The following STAMBP variants were observed in gnomAD, a reference collection of about 807,000 sequenced individuals.
STAMBP encodes the protein STAM-binding protein.
A neutral mutation model predicts 50.7 loss-of-function variants in STAMBP; 31 were observed. The observed-to-expected ratio is 0.61, with a 90% confidence interval of 0.46 to 0.83. The LOEUF is 0.83. Among genes scored for constraint, STAMBP ranks in the 40% least tolerant of loss-of-function variants. The pLI is 0.00. For missense variants in STAMBP, 472 were observed against 518.9 expected (o/e 0.91, Z 0.88); for synonymous variants, 211 against 192.4 (o/e 1.10, Z -0.80).
chr2:73,852,287 G>A (rs1357927350), intron 7 of STAMBP, among the ~76,000 whole-genome samples: 1 of 152,146 alleles, frequency 6.6e-6, no homozygotes, highest in Non-Finnish European at 1.5e-5. Context: ...CAGAGATTTG[G>A]GGCCTTGCAG....
rs115212112 is a variant in STAMBP, at chr2:73,860,247, G to A, written c.1218+96G>A. On this transcript the variant is annotated intron_variant, in intron 9 of 9. Transcript: ENST00000394070. ...ATCATCCTTTCTGATCCACACAGAAGACCAGCTTTGTCACTTACCTTGCCA... is the reference window on the plus strand; with the variant it reads ...ATCATCCTTTCTGATCCACACAGAAAACCAGCTTTGTCACTTACCTTGCCA... 5,569 of 1,020,392 alleles carry A rather than the reference G, an allele frequency of 5.5e-3. 148 individuals carry two copies. In the African/African-American group the frequency reaches 0.064, roughly 12 times the overall value. 63.2% of individuals were successfully genotyped at this position (1,020,392 alleles called of 1,614,324 possible).
intron 9 of STAMBP, 87 bp downstream of exon 9, chr2:73,860,238 C>G (rs573367015): frequency 8.9e-7 from 1 of 1,129,644 alleles, no homozygotes; most frequent in East Asian, 2.5e-5. Context: ...CTTTCTGATC[C>G]ACACAGAAGA....
At chr2:73,868,135 A>AC (rs1383857820), downstream of STAMBP, among the ~76,000 whole-genome samples, 2 of 151,948 alleles carry the variant, frequency 1.3e-5, no homozygotes, top group African/African-American at 4.8e-5. Flanking sequence ...AAAAAAAAAA[A>AC]AAAAACCCAG....
At chr2:73,833,959 C>T (rs1170339877) in intron 2 of STAMBP, among the ~76,000 whole-genome samples, 1 of 151,618 alleles carries the variant, frequency 6.6e-6, no homozygotes, top group Non-Finnish European at 1.5e-5. Context: ...ACCTGTAATC[C>T]CAGCACTTTG....
At chr2:73,853,818 G>A (rs1268009682) in intron 7 of STAMBP, among the ~76,000 whole-genome samples, 1 of 152,196 alleles carries the variant, frequency 6.6e-6, no homozygotes. Flanking sequence ...ACTGTCAGGA[G>A]CATGCATGCC....
intron 2 of STAMBP, among the ~76,000 whole-genome samples, chr2:73,837,128 G>C (rs1006701375): frequency 6.6e-6 from 1 of 152,178 alleles, no homozygotes; most frequent in Non-Finnish European, 1.5e-5. Context: ...AAGTACAGTA[G>C]TAGTAATATT....
chr2:73,844,907 T>A lies in STAMBP; in HGVS notation c.279+19T>A. On this transcript the variant is annotated intron_variant, in intron 3 of 9. Coordinates refer to ENST00000394070, the MANE Select transcript of STAMBP (RefSeq NM_213622.4). ...AGTAAAGGTGGGTCTTCACTTTCATTGTTGCCCATCTAAAAGCTTCAGAGC... is the reference window on the plus strand; with the variant it reads ...AGTAAAGGTGGGTCTTCACTTTCATAGTTGCCCATCTAAAAGCTTCAGAGC... 1 of 1,612,400 alleles carries A rather than the reference T, an allele frequency of 6.2e-7. No homozygotes were observed. Among genetic ancestry groups the A allele is most frequent in the Non-Finnish European group, 8.5e-7 (1 of 1,179,518 alleles).
intron 7 of STAMBP, among the ~76,000 whole-genome samples, chr2:73,858,502 A>G (rs756100884): frequency 6.6e-6 from 1 of 152,040 alleles, no homozygotes; most frequent in Non-Finnish European, 1.5e-5. Flanking sequence ...TGAAATATGT[A>G]TGCATATATT....
At chr2:73,848,372 TAAGTTCAG>T (rs1199950971) in intron 5 of STAMBP, among the ~76,000 whole-genome samples, 1 of 152,180 alleles carries the variant, frequency 6.6e-6, no homozygotes, top group Non-Finnish European at 1.5e-5. Context: ...TCCAGAAGAG[TAAGTTCAG>T]AAGTAAATAA....
At chr2:73,860,561 CAAAGGA>C in intron 9 of STAMBP, 1 of 986,378 alleles carries the variant, frequency 1.0e-6, no homozygotes, top group African/African-American at 1.7e-5. Context: ...GATTTGAAGG[CAAAGGA>C]AAAGAGAAGC....
chr2:73,844,787 A>C, intron 2 of STAMBP, 26 bp from the exon 3 acceptor site: 2 of 1,596,244 alleles, frequency 1.3e-6, no homozygotes, highest in South Asian at 2.2e-5. Flanking sequence ...CATTTGCTTC[A>C]TAATCATTTT....
chr2:73,839,646 C>T (rs1296294436), intron 2 of STAMBP, among the ~76,000 whole-genome samples: 1 of 152,160 alleles, frequency 6.6e-6, no homozygotes, highest in Non-Finnish European at 1.5e-5. Context: ...AAAATTAACA[C>T]TTATTCACGA....
intron 2 of STAMBP, among the ~76,000 whole-genome samples, chr2:73,833,390 G>A (rs1376857285): frequency 1.3e-5 from 2 of 152,028 alleles, no homozygotes; most frequent in South Asian, 2.1e-4. Context: ...CCTCAATGTT[G>A]TTAAGGTTTC....
In STAMBP at chr2:73,859,348, G is replaced by A; in HGVS notation, c.1100G>A (p.Cys367Tyr). Residue 367 changes from cysteine (C) to tyrosine (Y), a missense_variant, in exon 8 of 10, where the codon TGC (cysteine) becomes TAC (tyrosine). Coordinates refer to ENST00000394070, the MANE Select transcript of STAMBP (RefSeq NM_213622.4). Reference protein sequence around the residue: ...MMLPESVAIVCSPKFQETGFF... With the variant: ...MMLPESVAIVYSPKFQETGFF... ...TTGCCAGAGTCAGTAGCCATTGTTT[G>A]CTCCCCCAAGTTCCAGGAGTGAGTA... The A allele has an allele frequency of 6.2e-7, 1 of 1,614,064 alleles. No individual in the cohort carries two copies. Among genetic ancestry groups the A allele is most frequent in the South Asian group, 1.1e-5 (1 of 91,084 alleles).
At chr2:73,860,752 G>A (rs571060855) in intron 9 of STAMBP, among the ~76,000 whole-genome samples, 2 of 152,082 alleles carry the variant, frequency 1.3e-5, no homozygotes, top group Non-Finnish European at 2.9e-5. Flanking sequence ...TGATGGTGTT[G>A]CATTACTCCA....
Position 73,865,244 on chromosome 2 carries a change from C to T in STAMBP, c.*2985C>T, listed in dbSNP as rs1678765478. On this transcript the variant is annotated 3_prime_UTR_variant, in exon 10 of 10. Transcript: ENST00000394070. ...TTAATGAGTGAAAGTCTGGTGAATC[C>T]TGCAATTTTGATATGTTTCCAGTGG... is the stretch of plus-strand genomic sequence containing the variant. 1 of 152,164 alleles carries T rather than the reference C, an allele frequency of 6.6e-6. No individual in the cohort carries two copies. Among genetic ancestry groups the T allele is most frequent in the Non-Finnish European group, 1.5e-5 (1 of 68,048 alleles). The allele number at this position is 152,164 out of a possible 1,614,324, so 9.4% of individuals were successfully genotyped here. A position where few individuals can be genotyped will look rare whatever the true frequency, so the allele number is the denominator to read the frequency against.
chr2:73,842,698 T>C (rs1191756114), intron 2 of STAMBP, among the ~76,000 whole-genome samples: 1 of 152,176 alleles, frequency 6.6e-6, no homozygotes. Flanking sequence ...GTCATTGTGC[T>C]TAAAGTCACA....
At chr2:73,870,950 G>A (rs1009464507), downstream of STAMBP, among the ~76,000 whole-genome samples, 1 of 152,030 alleles carries the variant, frequency 6.6e-6, no homozygotes, top group African/African-American at 2.4e-5. Context: ...ATTATTTTTA[G>A]TAGAGACGGG....
rs1341508962 is a variant in STAMBP, at chr2:73,864,297, C to T, written c.*2038C>T. ...TATCATACGTTGCAACCACATTGAT[C>T]ACAGACTGATCACCAAACTGCTATA... On this transcript the variant is annotated 3_prime_UTR_variant, in exon 10 of 10. Coordinates refer to ENST00000394070, the MANE Select transcript of STAMBP (RefSeq NM_213622.4). 1 of 152,242 alleles carries T rather than the reference C, an allele frequency of 6.6e-6. No homozygotes were observed. Among genetic ancestry groups the T allele is most frequent in the Admixed American group, 6.5e-5 (1 of 15,284 alleles). 9.4% of individuals were successfully genotyped at this position (152,242 alleles called of 1,614,324 possible). A position where few individuals can be genotyped will look rare whatever the true frequency, so the allele number is the denominator to read the frequency against.
Sources: allele counts gnomAD v4.1 joint callset (sites outside exome capture counted in the v4.1 genomes callset), GRCh38; gene constraint gnomAD v4.1.1; transcripts MANE v1.5; gene names NCBI Gene and HGNC (gene_info 2026-07-23, HGNC 2026-07-21).